Variants in RPH3A observed in about 807,000 individuals in gnomAD.
RPH3A encodes rabphilin 3A.
In RPH3A, 48 loss-of-function variants were observed where a neutral mutation model predicts 102.2. The observed-to-expected ratio is 0.47, with a 90% confidence interval of 0.37 to 0.60. The LOEUF is 0.60. Among genes scored for constraint, RPH3A ranks in the 20% least tolerant of loss-of-function variants. RPH3A has a pLI of 0.00. For synonymous variants in RPH3A, 310 were observed against 324.3 expected, an observed-to-expected ratio of 0.96 and a Z score of 0.47; for missense variants, 781 against 910.1, an observed-to-expected ratio of 0.86 and a Z score of 1.83.
intron 19 of RPH3A, chr12:112,894,118 C>G: frequency 1.7e-4 from 30 of 175,292 alleles, no homozygotes; most frequent in South Asian, 3.0e-4. Context: ...GCATCTTCCC[C>G]TTTCTGTGCA....
At chr12:112,816,662 G>A (rs950760178) in intron 2 of RPH3A, among the ~76,000 whole-genome samples, 7 of 152,078 alleles carry the variant, frequency 4.6e-5, no homozygotes, top group African/African-American at 1.7e-4. Context: ...GACAACGACG[G>A]TACTCAACAA....
chr12:112,599,863 G>A (rs751191056), intron 1 of RPH3A, among the ~76,000 whole-genome samples: 2 of 152,140 alleles, frequency 1.3e-5, no homozygotes, highest in African/African-American at 4.8e-5. Context: ...CTGCATAGTG[G>A]TTAATAGGCA....
At chr12:112,870,813 T>TC (rs1354026213) in intron 10 of RPH3A, among the ~76,000 whole-genome samples, 3 of 151,944 alleles carry the variant, frequency 2.0e-5, no homozygotes, top group African/African-American at 7.3e-5. Flanking sequence ...TGCCCAGACC[T>TC]CCCCCCGACA....
At chr12:112,895,635 G>A (rs1311901615) in intron 20 of RPH3A, 142 bp from the exon 21 acceptor site, 12 of 593,132 alleles carry the variant, frequency 2.0e-5, no homozygotes, top group African/African-American at 3.7e-5. Context: ...GCAGAGGATC[G>A]GCACGGGAAG....
chr12:112,815,308 T>C (rs2041652772), intron 2 of RPH3A, among the ~76,000 whole-genome samples: 1 of 152,230 alleles, frequency 6.6e-6, no homozygotes, highest in South Asian at 2.1e-4. Context: ...TATGCAACCA[T>C]TTTTGTACTA....
At chr12:112,798,677 T>C (rs1240048071) in intron 2 of RPH3A, among the ~76,000 whole-genome samples, 1 of 152,154 alleles carries the variant, frequency 6.6e-6, no homozygotes, top group African/African-American at 2.4e-5. Flanking sequence ...CGTCTCTGCC[T>C]TCCTGTGTTT....
chr12:112,810,379 C>T (rs2041549622), intron 2 of RPH3A, among the ~76,000 whole-genome samples: 1 of 152,230 alleles, frequency 6.6e-6, no homozygotes, highest in Admixed American at 6.5e-5. Context: ...CCTTCCACTT[C>T]TGAGCATGCT....
intron 20 of RPH3A, among the ~76,000 whole-genome samples, chr12:112,894,992 C>G (rs958116529): frequency 1.1e-4 from 16 of 152,044 alleles, no homozygotes; most frequent in African/African-American, 3.9e-4. Context: ...GGGGGTTCTT[C>G]TTTGTTTTAG....
intron 1 of RPH3A, among the ~76,000 whole-genome samples, chr12:112,671,193 A>G (rs1040354852): frequency 6.6e-6 from 1 of 152,238 alleles, no homozygotes; most frequent in East Asian, 1.9e-4. Flanking sequence ...TGGCCTCTTC[A>G]TATTAATTAG....
At position 112,740,115 on chromosome 12, in the gene RPH3A, C is replaced by T. The variant is rs144420367; in HGVS notation, c.-139-52028C>T. On this transcript the variant is annotated intron_variant, in intron 1 of 21. Coordinates refer to the RPH3A transcript ENST00000543106. Reference sequence around the variant, plus strand: ...TCGGATTTCTTGATTTGATTTTGACCGAGACACCAGCTAAGTTGACTGCTT... The same window carrying T: ...TCGGATTTCTTGATTTGATTTTGACTGAGACACCAGCTAAGTTGACTGCTT... Among the ~76,000 whole-genome samples, 650 of 152,170 alleles carry T rather than the reference C, an allele frequency of 4.3e-3. 3 individuals carry two copies. The highest frequency in any genetic ancestry group is 4.1e-3 in the Admixed American group (63 of 15,270).
chr12:112,852,235 A>C (rs1261912384), intron 5 of RPH3A, among the ~76,000 whole-genome samples: 2 of 152,134 alleles, frequency 1.3e-5, no homozygotes, highest in African/African-American at 4.8e-5. Context: ...TGGCAGTTGG[A>C]TCCCAAGGGA....
At chr12:112,884,120 A>G (rs1340891071) in intron 16 of RPH3A, among the ~76,000 whole-genome samples, 1 of 152,166 alleles carries the variant, frequency 6.6e-6, no homozygotes, top group Non-Finnish European at 1.5e-5. Flanking sequence ...AGAATATTCC[A>G]CAGAATGGAT....
At chr12:112,854,802 C>A (rs1447814963) in intron 5 of RPH3A, among the ~76,000 whole-genome samples, 6 of 152,210 alleles carry the variant, frequency 3.9e-5, no homozygotes, top group Non-Finnish European at 7.3e-5. Flanking sequence ...TGTGGCCAAA[C>A]CAGACTTTGA....
chr12:112,890,114 G>T, intron 18 of RPH3A, 34 bp downstream of exon 18: 1 of 1,595,160 alleles, frequency 6.3e-7, no homozygotes, highest in South Asian at 1.1e-5. Context: ...GCCACAGTCA[G>T]GGTCTGTACT....
At chr12:112,869,175 A>C (rs2136225750) in intron 8 of RPH3A, 1 of 153,630 alleles carries the variant, frequency 6.5e-6, no homozygotes, top group Admixed American at 6.5e-5. Flanking sequence ...AATACATTTT[A>C]GTTGGACTAG....
At chr12:112,667,600 C>T (rs1307000913) in intron 1 of RPH3A, among the ~76,000 whole-genome samples, 1 of 147,150 alleles carries the variant, frequency 6.8e-6, no homozygotes, top group Non-Finnish European at 1.5e-5. Context: ...CACCTAGGGA[C>T]AGTGCAGGGA....
intron 1 of RPH3A, among the ~76,000 whole-genome samples, chr12:112,649,088 C>T (rs1419710349): frequency 6.6e-6 from 1 of 152,240 alleles, no homozygotes; most frequent in Admixed American, 6.5e-5. Flanking sequence ...GCTGAGATTA[C>T]AGGCATGGGC....
intron 1 of RPH3A, among the ~76,000 whole-genome samples, chr12:112,759,426 T>C (rs2040840265): frequency 6.6e-6 from 1 of 152,178 alleles, no homozygotes; most frequent in South Asian, 2.1e-4. Context: ...CCATAAGTCA[T>C]TGGACTGATC....
At chr12:112,751,498 C>T (rs182006566) in intron 1 of RPH3A, among the ~76,000 whole-genome samples, 1 of 152,106 alleles carries the variant, frequency 6.6e-6, no homozygotes, top group Non-Finnish European at 1.5e-5. Context: ...GAGTGTGAGG[C>T]CTGGCATGAA....
Sources: allele counts gnomAD v4.1 joint callset (sites outside exome capture counted in the v4.1 genomes callset), GRCh38; gene constraint gnomAD v4.1.1; transcripts MANE v1.5; gene names NCBI Gene and HGNC (gene_info 2026-07-23, HGNC 2026-07-21).